PRKG1: variants seen among roughly 807,000 people sequenced by gnomAD.
PRKG1 encodes the protein protein kinase cGMP-dependent 1, also known as cGMP-dependent protein kinase 1.
PRKG1 carries 35 observed loss-of-function variants against 88.1 expected under a neutral mutation model. The observed-to-expected ratio is 0.40, with a 90% CI of 0.30 to 0.53. The LOEUF (loss-of-function observed/expected upper bound fraction) is 0.53, where lower values mean the gene tolerates loss of function less well. Among genes scored for constraint, PRKG1 ranks in the 20% least tolerant of loss-of-function variants. The pLI is 0.59. For synonymous variants in PRKG1, 303 were observed against 292.5 expected (o/e 1.04, Z -0.37); for missense variants, 540 against 839.8 (o/e 0.64, Z 4.41).
intron 12 of PRKG1, among the ~76,000 whole-genome samples, chr10:52,276,162 T>C (rs1048197562): frequency 6.6e-6 from 1 of 152,166 alleles, no homozygotes; most frequent in African/African-American, 2.4e-5. Flanking sequence ...TTTACCGATT[T>C]GGATGCCCTT....
At chr10:51,668,017 T>G (rs187465597) in intron 3 of PRKG1, among the ~76,000 whole-genome samples, 1 of 152,268 alleles carries the variant, frequency 6.6e-6, no homozygotes, top group African/African-American at 2.4e-5. Context: ...ATCACTGACA[T>G]AAAATTTAGG....
intron 5 of PRKG1, 172 bp downstream of exon 5, chr10:51,907,742 A>T: frequency 3.9e-6 from 2 of 506,492 alleles, no homozygotes; most frequent in South Asian, 7.4e-5. Flanking sequence ...ATCATGTCTG[A>T]CATTTATATG....
intron 8 of PRKG1, among the ~76,000 whole-genome samples, chr10:52,151,159 T>A (rs1333357909): frequency 6.6e-6 from 1 of 152,104 alleles, no homozygotes; most frequent in African/African-American, 2.4e-5. Flanking sequence ...GCGGGTTTGG[T>A]GTGTAGACTA....
At chr10:51,904,642 G>A (rs59781514) in intron 4 of PRKG1, among the ~76,000 whole-genome samples, 3,529 of 152,094 alleles carry the variant, frequency 0.023, 143 homozygotes, top group African/African-American at 0.081. Context: ...CTGTTAAATG[G>A]TTTTCTTTTT....
chr10:51,141,181 G>A (rs1845811461), intron 1 of PRKG1, among the ~76,000 whole-genome samples: 2 of 152,168 alleles, frequency 1.3e-5, no homozygotes, highest in Non-Finnish European at 2.9e-5. Flanking sequence ...ACTAGCTGGA[G>A]GCCTTCACAC....
At chr10:52,232,606 T>C (rs1055815947) in intron 9 of PRKG1, among the ~76,000 whole-genome samples, 1 of 152,240 alleles carries the variant, frequency 6.6e-6, no homozygotes, top group Non-Finnish European at 1.5e-5. Flanking sequence ...ATATTTCATA[T>C]ATTTACATTA....
intron 2 of PRKG1, among the ~76,000 whole-genome samples, chr10:51,274,932 T>G (rs570545156): frequency 1.3e-4 from 20 of 152,256 alleles, no homozygotes; most frequent in African/African-American, 4.8e-4. Context: ...GCTGTGAGAG[T>G]TGAAACTCCA....
intron 3 of PRKG1, among the ~76,000 whole-genome samples, chr10:51,500,859 A>G (rs1841006217): frequency 6.6e-6 from 1 of 152,196 alleles, no homozygotes; most frequent in African/African-American, 2.4e-5. Context: ...GTGACACACA[A>G]GGATGAAAAC....
chr10:51,213,761 T>G (rs1589249983), intron 2 of PRKG1, among the ~76,000 whole-genome samples: 1 of 142,516 alleles, frequency 7.0e-6, no homozygotes, highest in East Asian at 1.9e-4. Flanking sequence ...TTATGAAGTG[T>G]GTGGGTGTGT....
intron 3 of PRKG1, chr10:51,697,461 A>C: frequency 1.9e-6 from 1 of 531,834 alleles, no homozygotes; most frequent in Admixed American, 3.6e-5. Flanking sequence ...TAATATAATC[A>C]TGTTCAGAGT....
At chr10:52,159,362 T>C (rs949896884) in intron 8 of PRKG1, among the ~76,000 whole-genome samples, 1 of 151,568 alleles carries the variant, frequency 6.6e-6, no homozygotes, top group Non-Finnish European at 1.5e-5. Flanking sequence ...TAAGAAGACC[T>C]GAAGAAAGTT....
intron 5 of PRKG1, among the ~76,000 whole-genome samples, chr10:51,918,473 T>G (rs934138829): frequency 6.6e-6 from 1 of 152,168 alleles, no homozygotes; most frequent in African/African-American, 2.4e-5. Flanking sequence ...TGCCAGAATA[T>G]GCATGCTTTG....
chr10:51,289,279 C>T (rs934744699), intron 2 of PRKG1, among the ~76,000 whole-genome samples: 3 of 152,080 alleles, frequency 2.0e-5, no homozygotes, highest in Non-Finnish European at 4.4e-5. Context: ...TTACTGGGCA[C>T]CACTGTCTGT....
intron 3 of PRKG1, among the ~76,000 whole-genome samples, chr10:51,727,283 AAAAT>A (rs1461931559): frequency 6.9e-6 from 1 of 145,512 alleles, no homozygotes; most frequent in Non-Finnish European, 1.5e-5. Context: ...GCAAAAAAAA[AAAAT>A]ATATATATAT....
chr10:52,154,053 T>A (rs1404025868), intron 8 of PRKG1, among the ~76,000 whole-genome samples: 1 of 143,888 alleles, frequency 6.9e-6, no homozygotes, highest in Non-Finnish European at 1.5e-5. Context: ...CCTTCATTTT[T>A]ATTTTTATTC....
At chr10:51,752,072 CCA>C (rs1254110740) in intron 3 of PRKG1, among the ~76,000 whole-genome samples, 1 of 152,132 alleles carries the variant, frequency 6.6e-6, no homozygotes, top group African/African-American at 2.4e-5. Flanking sequence ...GCATTAACTC[CCA>C]CACAGTTTGG....
intron 5 of PRKG1, among the ~76,000 whole-genome samples, chr10:51,940,156 A>G (rs1325780790): frequency 6.6e-6 from 1 of 151,858 alleles, no homozygotes; most frequent in Non-Finnish European, 1.5e-5. Flanking sequence ...CAAGACAGGT[A>G]TACCAAATAT....
intron 9 of PRKG1, among the ~76,000 whole-genome samples, chr10:52,222,609 C>A (rs921880043): frequency 3.3e-5 from 5 of 152,142 alleles, no homozygotes; most frequent in Non-Finnish European, 7.3e-5. Context: ...AGTCTGCCTG[C>A]ATATAAAACC....
intron 2 of PRKG1, among the ~76,000 whole-genome samples, chr10:51,387,279 G>A (rs1368545304): frequency 2.0e-5 from 3 of 150,508 alleles, no homozygotes; most frequent in African/African-American, 7.3e-5. Flanking sequence ...TTCTGCAGTG[G>A]TCCTCTTGAA....
Sources: allele counts gnomAD v4.1 joint callset (sites outside exome capture counted in the v4.1 genomes callset), GRCh38; gene constraint gnomAD v4.1.1; transcripts MANE v1.5; gene names NCBI Gene and HGNC (gene_info 2026-07-23, HGNC 2026-07-21).